ACSS3: variants seen among roughly 807,000 people sequenced by gnomAD.
The protein encoded by ACSS3 is acyl-CoA synthetase short chain family member 3.
In ACSS3, 64 loss-of-function variants were observed where a neutral mutation model predicts 84.2. The ratio of observed to expected loss-of-function variants is 0.76; its 90% CI spans 0.62 to 0.94. The LOEUF is 0.94. ACSS3 is among the 40% of genes least tolerant of loss of function. The probability of loss-of-function intolerance (pLI) is 0.00; values close to 1 mark genes in which losing one functional copy is unlikely to be tolerated. For synonymous variants in ACSS3, 317 were observed against 310.1 expected (o/e 1.02, Z -0.23); for missense variants, 815 against 867.6 (o/e 0.94, Z 0.76).
At chr12:81,254,088 C>T (rs1195349187) in intron 15 of ACSS3, among the ~76,000 whole-genome samples, 2 of 151,970 alleles carry the variant, frequency 1.3e-5, no homozygotes, top group Non-Finnish European at 2.9e-5. Flanking sequence ...CTGTGCCTGG[C>T]TAATTTTTTT....
intron 7 of ACSS3, among the ~76,000 whole-genome samples, chr12:81,173,358 G>A (rs1208277290): frequency 2.0e-5 from 3 of 152,044 alleles, no homozygotes; most frequent in Admixed American, 6.6e-5. Flanking sequence ...AAACAGTTGT[G>A]ATAATAAAAA....
At chr12:81,213,004 A>G (rs1191527894) in intron 9 of ACSS3, among the ~76,000 whole-genome samples, 1 of 152,148 alleles carries the variant, frequency 6.6e-6, no homozygotes, top group African/African-American at 2.4e-5. Flanking sequence ...TTGTGTTTCT[A>G]AGGTGAGGTG....
chr12:81,244,896 C>G (rs956456355), intron 13 of ACSS3, among the ~76,000 whole-genome samples: 4 of 150,104 alleles, frequency 2.7e-5, no homozygotes, highest in Non-Finnish European at 4.4e-5. Context: ...CTTCTTCAGT[C>G]TATTCAAACT....
intron 7 of ACSS3, among the ~76,000 whole-genome samples, chr12:81,172,295 C>G (rs1035121534): frequency 2.1e-5 from 3 of 141,992 alleles, no homozygotes; most frequent in Non-Finnish European, 4.6e-5. Context: ...GTGATCCATG[C>G]CCTTTTTTTT....
At chr12:81,095,061 G>C (rs1422280306) in intron 1 of ACSS3, among the ~76,000 whole-genome samples, 1 of 152,148 alleles carries the variant, frequency 6.6e-6, no homozygotes, top group Non-Finnish European at 1.5e-5. Context: ...ATTAGGCAGA[G>C]TACACCCTCC....
At chr12:81,168,070 G>A (rs943955393) in intron 7 of ACSS3, among the ~76,000 whole-genome samples, 1 of 152,172 alleles carries the variant, frequency 6.6e-6, no homozygotes, top group East Asian at 1.9e-4. Flanking sequence ...TTAAAGTAAT[G>A]GGGAGTGGGG....
At chr12:81,162,045 C>G (rs1345900905) in intron 7 of ACSS3, among the ~76,000 whole-genome samples, 3 of 152,164 alleles carry the variant, frequency 2.0e-5, no homozygotes, top group African/African-American at 7.2e-5. Context: ...CTTCTTGTCA[C>G]CCATAACATG....
intron 1 of ACSS3, among the ~76,000 whole-genome samples, chr12:81,099,193 C>T (rs12313366): frequency 0.051 from 7,734 of 151,376 alleles, 309 homozygotes; most frequent in African/African-American, 0.11. Flanking sequence ...GAATTGTTTC[C>T]AATATGTTGG....
intron 5 of ACSS3, among the ~76,000 whole-genome samples, chr12:81,146,733 T>C (rs1007807838): frequency 6.6e-6 from 1 of 152,188 alleles, no homozygotes; most frequent in African/African-American, 2.4e-5. Flanking sequence ...GGTGCCTATA[T>C]TTGAGATAGT....
In ACSS3 at chr12:81,151,903, A is replaced by T; in HGVS notation, c.981A>T (p.Ile327=). ...TGCTACACTGGTCAATGTCTTCCAT[A>T]TACGGACTTCAACCCGGAGAGGTAA... ...AVMLHWSMSS[I]YGLQPGEVWW... The change falls in exon 6 of 16, where the codon ATA becomes ATT. Residue 327 remains isoleucine (I), a synonymous_variant. Transcript: ENST00000548058. 6.2e-7 allele frequency: 1 copy of T among 1,613,886 alleles called. No individual in the cohort carries two copies. The highest frequency in any genetic ancestry group is 8.5e-7 in the Non-Finnish European group (1 of 1,179,868).
intron 13 of ACSS3, among the ~76,000 whole-genome samples, chr12:81,243,929 T>C (rs1037457173): frequency 3.9e-5 from 6 of 152,216 alleles, no homozygotes; most frequent in African/African-American, 1.4e-4. Flanking sequence ...TCATTTCTGA[T>C]GCTCTTCCTT....
rs1408265046 is a variant in ACSS3, at chr12:81,256,477, T to C, written c.*1555T>C. ...GATTTACTTAGGGATCTATATGACA[T>C]CAGTTATCAAAGAATACATTTTAAC... is the stretch of plus-strand genomic sequence containing the variant. On this transcript the variant is annotated 3_prime_UTR_variant, in exon 16 of 16. Transcript: ENST00000548058. 6.6e-6 allele frequency: 1 copy of C among 152,144 alleles called. No individual in the cohort carries two copies. Among genetic ancestry groups the C allele is most frequent in the African/African-American group, 2.4e-5 (1 of 41,442 alleles). The allele number at this position is 152,144 out of a possible 1,614,324, so 9.4% of individuals were successfully genotyped here. A position where few individuals can be genotyped will look rare whatever the true frequency, so the allele number is the denominator to read the frequency against.
intron 1 of ACSS3, among the ~76,000 whole-genome samples, chr12:81,081,646 G>A (rs1880984871): frequency 6.6e-6 from 1 of 151,956 alleles, no homozygotes; most frequent in South Asian, 2.1e-4. Context: ...TGACTCTCTG[G>A]GCCATCAATT....
At chr12:81,151,740 T>C (rs1228103917) in intron 5 of ACSS3, 104 bp from the exon 6 acceptor site, 2 of 911,654 alleles carry the variant, frequency 2.2e-6, no homozygotes, top group Non-Finnish European at 3.3e-6. Context: ...GTAGCTAATA[T>C]ATAAAATACT....
intron 11 of ACSS3, among the ~76,000 whole-genome samples, chr12:81,228,112 A>C (rs2033332044): frequency 6.6e-6 from 1 of 151,818 alleles, no homozygotes; most frequent in Non-Finnish European, 1.5e-5. Flanking sequence ...ACCTATTTTT[A>C]CCACTGAAGT....
chr12:81,163,127 T>C (rs1453880791), intron 7 of ACSS3, among the ~76,000 whole-genome samples: 1 of 150,886 alleles, frequency 6.6e-6, no homozygotes, highest in African/African-American at 2.5e-5. Flanking sequence ...TAACCTTTCT[T>C]TATAGAATGA....
intron 13 of ACSS3, among the ~76,000 whole-genome samples, chr12:81,251,515 G>T (rs1192581630): frequency 1.3e-5 from 2 of 151,698 alleles, no homozygotes; most frequent in African/African-American, 4.8e-5. Context: ...AGTTGATATT[G>T]CTATGAATCT....
chr12:81,254,798 T>C (rs1460076114), intron 15 of ACSS3, 59 bp from the exon 16 acceptor site: 9 of 1,316,910 alleles, frequency 6.8e-6, no homozygotes, highest in South Asian at 2.6e-5. Context: ...TGTTTAATTA[T>C]AGAAAGAGTA....
chr12:81,143,798 T>G (rs1392094082), intron 5 of ACSS3, among the ~76,000 whole-genome samples: 5 of 152,166 alleles, frequency 3.3e-5, no homozygotes, highest in Admixed American at 1.3e-4. Flanking sequence ...TGGAAGACAC[T>G]CAAGGATTTT....
Sources: allele counts gnomAD v4.1 joint callset (sites outside exome capture counted in the v4.1 genomes callset), GRCh38; gene constraint gnomAD v4.1.1; transcripts MANE v1.5; gene names NCBI Gene and HGNC (gene_info 2026-07-23, HGNC 2026-07-21).